Variants in SMAP1 observed in about 807,000 individuals in gnomAD.
The protein encoded by SMAP1 is stromal membrane-associated protein 1.
A neutral mutation model predicts 58.5 loss-of-function variants in SMAP1; 24 were observed. The observed-to-expected ratio is 0.41, with a 90% CI of 0.30 to 0.58. SMAP1 has a LOEUF of 0.58. SMAP1 is among the 20% of genes least tolerant of loss of function. SMAP1 has a pLI of 0.29. For synonymous variants in SMAP1, 216 were observed against 196.6 expected, an observed-to-expected ratio of 1.10 and a Z score of -0.82; for missense variants, 563 against 566.3, an observed-to-expected ratio of 0.99 and a Z score of 0.06.
At chr6:70,694,458 A>G (rs1767315516) in intron 1 of SMAP1, 1 of 154,394 alleles carries the variant, frequency 6.5e-6, no homozygotes, top group Non-Finnish European at 1.4e-5. Flanking sequence ...TCTGTACTTA[A>G]CCCAGCAGTA....
intron 2 of SMAP1, among the ~76,000 whole-genome samples, chr6:70,742,023 C>T (rs1765834741): frequency 6.6e-6 from 1 of 152,214 alleles, no homozygotes; most frequent in Admixed American, 6.5e-5. Flanking sequence ...GGCCCTGGCC[C>T]TGGCCCACAA....
chr6:70,724,151 G>T (rs2347430), intron 1 of SMAP1, among the ~76,000 whole-genome samples: 64,968 of 143,092 alleles, frequency 0.45, 14,329 homozygotes, highest in South Asian at 0.51. Context: ...TTTTTTTTTT[G>T]TTGTTGTTGT....
chr6:70,684,855 T>G (rs1011697154), intron 1 of SMAP1, among the ~76,000 whole-genome samples: 11 of 152,200 alleles, frequency 7.2e-5, no homozygotes. Context: ...CACACTAGGA[T>G]AGGGAAAACA....
chr6:70,671,996 T>G (rs1381399011), intron 1 of SMAP1, among the ~76,000 whole-genome samples: 16 of 152,214 alleles, frequency 1.1e-4, no homozygotes, highest in Non-Finnish European at 8.8e-5. Context: ...ACTCTAGAGA[T>G]TGTTTTGTTT....
chr6:70,672,366 C>A (rs1279921254), intron 1 of SMAP1, among the ~76,000 whole-genome samples: 2 of 152,106 alleles, frequency 1.3e-5, no homozygotes, highest in East Asian at 3.9e-4. Context: ...AGCTTTCTAA[C>A]AAGTTTTTGC....
intron 1 of SMAP1, among the ~76,000 whole-genome samples, chr6:70,708,204 G>T (rs1331780834): frequency 6.6e-6 from 1 of 152,022 alleles, no homozygotes; most frequent in Non-Finnish European, 1.5e-5. Flanking sequence ...ACATATACGT[G>T]AGATTATACA....
chr6:70,857,945 A>G lies in SMAP1; in HGVS notation c.985A>G (p.Ile329Val), dbSNP rs1771504423. The G allele has an allele frequency of 1.2e-6, 2 of 1,614,004 alleles. No individual in the cohort carries two copies. The highest frequency in any genetic ancestry group is 1.7e-6 in the Non-Finnish European group (2 of 1,180,002). The change falls in exon 10 of 11, where the codon ATA (isoleucine) becomes GTA (valine). Residue 329 changes from isoleucine (I) to valine (V), a missense_variant. Physicochemically the swap from Ile to Val is conservative, Grantham distance 29. Transcript: ENST00000370455. ...AGGTGTATTTATGGGACCCACAAAT[A>G]TACCATTTACCTCACAAGCACCAGC... is the stretch of plus-strand genomic sequence containing the variant. Reference protein sequence around the residue: ...TPGVFMGPTNIPFTSQAPAAF... With the variant: ...TPGVFMGPTNVPFTSQAPAAF...
chr6:70,695,467 A>AT (rs992650440), intron 1 of SMAP1, among the ~76,000 whole-genome samples: 1 of 151,762 alleles, frequency 6.6e-6, no homozygotes, highest in Non-Finnish European at 1.5e-5. Context: ...TCCATACCCA[A>AT]TTTTTTTTGG....
chr6:70,799,336 A>G (rs1768745961), intron 6 of SMAP1, among the ~76,000 whole-genome samples: 1 of 152,156 alleles, frequency 6.6e-6, no homozygotes, highest in South Asian at 2.1e-4. Flanking sequence ...TGTGAGCAGC[A>G]CTTCAAATTC....
rs58133069 is a variant in SMAP1 at position 70,677,432 on chromosome 6, C to CT, written c.118+9319dup. 5.9e-3 allele frequency among the ~76,000 whole-genome samples: 357 copies of CT among 60,426 alleles called. 76 individuals are homozygous for CT. The highest frequency in any genetic ancestry group is 7.9e-3 in the Non-Finnish European group (285 of 36,022). The allele number at this position is 60,426 out of a possible 152,430, so 39.6% of individuals were successfully genotyped here. A position where few individuals can be genotyped will look rare whatever the true frequency, so the allele number is the denominator to read the frequency against. ...TCTTGAATCCCATACCTTGTCACTT[C>CT]TTTTTTTTTTTTTTTTTTTTTTTTT... On this transcript the variant is annotated intron_variant, in intron 1 of 10. Coordinates refer to ENST00000370455, the MANE Select transcript of SMAP1 (RefSeq NM_001044305.3).
intron 6 of SMAP1, among the ~76,000 whole-genome samples, chr6:70,820,827 G>A (rs750798081): frequency 6.6e-6 from 1 of 152,110 alleles, no homozygotes; most frequent in Non-Finnish European, 1.5e-5. Context: ...TTTGCAGAGT[G>A]TGTTGATTTG....
chr6:70,857,063 T>C, intron 9 of SMAP1, 33 bp downstream of exon 9: 1 of 1,558,780 alleles, frequency 6.4e-7, no homozygotes, highest in Non-Finnish European at 8.7e-7. Flanking sequence ...TTCAGTGACA[T>C]TACTAGAAGT....
At chr6:70,796,316 G>A (rs575847182) in intron 5 of SMAP1, among the ~76,000 whole-genome samples, 22 of 152,328 alleles carry the variant, frequency 1.4e-4, no homozygotes, top group African/African-American at 5.1e-4. Flanking sequence ...ACCACAGTTA[G>A]TAGTGAGACC....
intron 3 of SMAP1, among the ~76,000 whole-genome samples, chr6:70,765,957 C>G (rs549515174): frequency 1.4e-5 from 2 of 147,018 alleles, no homozygotes; most frequent in African/African-American, 5.0e-5. Flanking sequence ...CATGTGTTCT[C>G]ATTGTTCAAT....
intron 3 of SMAP1, among the ~76,000 whole-genome samples, chr6:70,765,626 C>T (rs1766938562): frequency 6.6e-6 from 1 of 152,100 alleles, no homozygotes; most frequent in Non-Finnish European, 1.5e-5. Context: ...ATATGATGGG[C>T]TTCCTGAGGA....
At chr6:70,706,727 AT>A (rs1407219957) in intron 1 of SMAP1, among the ~76,000 whole-genome samples, 1 of 152,346 alleles carries the variant, frequency 6.6e-6, no homozygotes, top group East Asian at 1.9e-4. Flanking sequence ...GGCGCTCTCT[AT>A]TAATCCAAAT....
intron 1 of SMAP1, among the ~76,000 whole-genome samples, chr6:70,682,564 T>A (rs938630649): frequency 2.6e-5 from 4 of 152,192 alleles, no homozygotes; most frequent in African/African-American, 7.2e-5. Context: ...CCCTCTCCAC[T>A]GATTGGTATG....
At position 70,707,173 on chromosome 6, in the gene SMAP1, A is replaced by G. The variant is rs138351489; in HGVS notation, c.119-25205A>G. 2.7e-3 allele frequency among the ~76,000 whole-genome samples: 409 copies of G among 152,258 alleles called. 2 individuals carry two copies. The highest frequency in any genetic ancestry group is 4.3e-3 in the Non-Finnish European group (291 of 67,984). On this transcript the variant is annotated intron_variant, in intron 1 of 10. Coordinates refer to ENST00000370455, the MANE Select transcript of SMAP1 (RefSeq NM_001044305.3). Reference sequence around the variant, plus strand: ...GAATTTGGATTCATGAGATTTTGTCATATTTTGATCACATAAGCATGGAAC... The same window carrying G: ...GAATTTGGATTCATGAGATTTTGTCGTATTTTGATCACATAAGCATGGAAC...
chr6:70,781,388 C>T (rs1428761170), intron 4 of SMAP1, among the ~76,000 whole-genome samples: 3 of 151,956 alleles, frequency 2.0e-5, no homozygotes, highest in South Asian at 2.1e-4. Context: ...TAAATGTTTA[C>T]GTTTTCAGCT....
Sources: gnomAD v4.1 joint callset for allele counts (sites outside exome capture counted in the v4.1 genomes callset) on GRCh38, gnomAD v4.1.1 for gene constraint, MANE v1.5 for transcripts, NCBI Gene and HGNC (gene_info 2026-07-23, HGNC 2026-07-21) for gene names.